Variants in THEMIS observed in about 807,000 individuals in gnomAD.
THEMIS encodes protein THEMIS.
Under a neutral mutation model 52.6 loss-of-function variants are expected in THEMIS, and 37 were observed. That is an observed-to-expected ratio of 0.70 (90% CI 0.54 to 0.93). THEMIS has a LOEUF of 0.93. Among genes scored for constraint, THEMIS ranks in the 40% least tolerant of loss-of-function variants. The probability of loss-of-function intolerance (pLI) is 0.00; values close to 1 mark genes in which losing one functional copy is unlikely to be tolerated. For missense variants in THEMIS, 808 were observed against 763.1 expected, an observed-to-expected ratio of 1.06 and a Z score of -0.69; for synonymous variants, 292 against 272.7, an observed-to-expected ratio of 1.07 and a Z score of -0.70.
At chr6:127,746,783 T>A (rs1583226400) in intron 4 of THEMIS, among the ~76,000 whole-genome samples, 1 of 46,328 alleles carries the variant, frequency 2.2e-5, no homozygotes, top group Non-Finnish European at 3.3e-5. Flanking sequence ...TTATATATAA[T>A]TATATATTAT....
In THEMIS at chr6:127,802,724, G is replaced by T. The variant is rs867479280; in HGVS notation, c.1758+10159C>A. 5.3e-5 allele frequency among the ~76,000 whole-genome samples: 8 copies of T among 152,298 alleles called. 1 individual carries two copies. In the Middle Eastern group the frequency reaches 0.014, roughly 259 times the overall value. On this transcript the variant is annotated intron_variant, in intron 4 of 5. Coordinates refer to ENST00000368248, the MANE Select transcript of THEMIS (RefSeq NM_001010923.3). ...ACAGACCCAGAACCCCTTGAATGAA[G>T]GGGAGGCCAGGACTCCTTGTGGAAG...
At chr6:127,917,786 G>T (rs528825182) in intron 1 of THEMIS, among the ~76,000 whole-genome samples, 20 of 152,300 alleles carry the variant, frequency 1.3e-4, no homozygotes, top group Non-Finnish European at 2.9e-4. Context: ...CAGAAATTGT[G>T]TCATTAAAGA....
chr6:127,837,168 C>T (rs879652834), intron 2 of THEMIS, among the ~76,000 whole-genome samples: 3 of 151,940 alleles, frequency 2.0e-5, no homozygotes, highest in Non-Finnish European at 2.9e-5. Flanking sequence ...CACAAAAAGA[C>T]ACAGAAAATG....
intron 1 of THEMIS, among the ~76,000 whole-genome samples, chr6:127,873,745 A>G (rs531467886): frequency 4.9e-4 from 75 of 152,338 alleles, no homozygotes; most frequent in African/African-American, 1.8e-3. Context: ...ATTCCCAATA[A>G]CATAAAGTCA....
At chr6:127,780,853 T>C (rs1776720916) in intron 4 of THEMIS, among the ~76,000 whole-genome samples, 1 of 152,170 alleles carries the variant, frequency 6.6e-6, no homozygotes, top group South Asian at 2.1e-4. Context: ...CCTTGGCGAA[T>C]CTGACAATTA....
chr6:127,906,867 AC>A (rs1430190720), intron 1 of THEMIS, among the ~76,000 whole-genome samples: 4 of 151,948 alleles, frequency 2.6e-5, no homozygotes, highest in African/African-American at 9.7e-5. Context: ...CTCAAAGCAA[AC>A]TTTACGTAAA....
chr6:127,736,067 G>T (rs1354906301), intron 4 of THEMIS, among the ~76,000 whole-genome samples: 1 of 152,166 alleles, frequency 6.6e-6, no homozygotes, highest in Non-Finnish European at 1.5e-5. Flanking sequence ...CGGATTTTGT[G>T]CTTGGTGAAT....
At chr6:127,768,359 C>A (rs975240792) in intron 4 of THEMIS, among the ~76,000 whole-genome samples, 2 of 152,146 alleles carry the variant, frequency 1.3e-5, no homozygotes, top group African/African-American at 4.8e-5. Context: ...ATTTCCCTCC[C>A]CTTGCCTCTG....
the THEMIS span, among the ~76,000 whole-genome samples, chr6:127,699,927 A>T: frequency 2.4e-4 from 37 of 152,052 alleles, no homozygotes; most frequent in African/African-American, 8.7e-4. Flanking sequence ...ATGACACACA[A>T]ACATGATCCA....
At chr6:127,713,687 A>C (rs1344789271) in intron 5 of THEMIS, among the ~76,000 whole-genome samples, 2 of 151,898 alleles carry the variant, frequency 1.3e-5, no homozygotes, top group Non-Finnish European at 2.9e-5. Flanking sequence ...AGCCACATGG[A>C]TCTCTGGGGA....
At chr6:127,907,375 G>T (rs538247829) in intron 1 of THEMIS, among the ~76,000 whole-genome samples, 1 of 42,288 alleles carries the variant, frequency 2.4e-5, no homozygotes, top group Non-Finnish European at 5.7e-5. Context: ...TTGCATGAGC[G>T]ACATTTCAGG....
chr6:127,861,710 G>A (rs191097402), intron 1 of THEMIS, among the ~76,000 whole-genome samples: 3 of 149,896 alleles, frequency 2.0e-5, no homozygotes, highest in East Asian at 3.9e-4. Flanking sequence ...CTTGAACCCA[G>A]GAGGTGAAGG....
At chr6:127,762,036 A>G (rs1562241239) in intron 4 of THEMIS, among the ~76,000 whole-genome samples, 1 of 152,184 alleles carries the variant, frequency 6.6e-6, no homozygotes, top group Non-Finnish European at 1.5e-5. Context: ...GATAAAGAAA[A>G]TGTACGCTAT....
rs193284275 is a variant in THEMIS at position 127,873,141 on chromosome 6, A to G, written c.92-17953T>C. ...AAGATGTTGATGTGAGAAATTAATG[A>G]TCTTAACAAATGGAATGGAAAGACA... On this transcript the variant is annotated intron_variant, in intron 1 of 5. Coordinates refer to ENST00000368248, the MANE Select transcript of THEMIS (RefSeq NM_001010923.3). 2.0e-5 allele frequency among the ~76,000 whole-genome samples: 3 copies of G among 152,328 alleles called. No homozygotes were observed. In the East Asian group the frequency reaches 5.8e-4, roughly 29 times the overall value.
chr6:127,839,384 C>A (rs1425820865), intron 2 of THEMIS, among the ~76,000 whole-genome samples: 1 of 152,028 alleles, frequency 6.6e-6, no homozygotes, highest in African/African-American at 2.4e-5. Context: ...TATGTACATA[C>A]AGTTGTTTTA....
chr6:127,702,488 G>T, the THEMIS span, among the ~76,000 whole-genome samples: 1 of 152,032 alleles, frequency 6.6e-6, no homozygotes, highest in Non-Finnish European at 1.5e-5. Flanking sequence ...TAAATATTCT[G>T]CCTTCTTAAA....
chr6:127,770,564 T>C (rs1409961682), intron 4 of THEMIS, among the ~76,000 whole-genome samples: 3 of 152,176 alleles, frequency 2.0e-5, no homozygotes, highest in South Asian at 2.1e-4. Context: ...TTTTCTCCCA[T>C]TCTGTAGGTT....
intron 4 of THEMIS, among the ~76,000 whole-genome samples, chr6:127,759,346 A>T (rs893178076): frequency 6.6e-6 from 1 of 152,164 alleles, no homozygotes; most frequent in Non-Finnish European, 1.5e-5. Context: ...CAAAATATAC[A>T]TCTCTGACTG....
At chr6:127,769,360 T>G (rs1233167794) in intron 4 of THEMIS, among the ~76,000 whole-genome samples, 2 of 151,874 alleles carry the variant, frequency 1.3e-5, no homozygotes, top group Non-Finnish European at 2.9e-5. Context: ...TTGTTTTTTT[T>G]TTTTGTTTTT....
Sources: gnomAD v4.1 joint callset for allele counts (sites outside exome capture counted in the v4.1 genomes callset) on GRCh38, gnomAD v4.1.1 for gene constraint, MANE v1.5 for transcripts, NCBI Gene and HGNC (gene_info 2026-07-23, HGNC 2026-07-21) for gene names.